Variants in CNKSR3 observed in about 807,000 individuals in gnomAD.
CNKSR3 encodes connector enhancer of kinase suppressor of ras 3.
A neutral mutation model predicts 67.7 loss-of-function variants in CNKSR3; 36 were observed. The ratio of observed to expected loss-of-function variants is 0.53; its 90% CI spans 0.41 to 0.70. The LOEUF is 0.70. Ranked by LOEUF, CNKSR3 falls within the 30% of genes least tolerant of loss-of-function variation. The probability of loss-of-function intolerance (pLI) is 0.00; values close to 1 mark genes in which losing one functional copy is unlikely to be tolerated. For synonymous variants in CNKSR3, 281 were observed against 271.4 expected, an observed-to-expected ratio of 1.04 and a Z score of -0.35; for missense variants, 630 against 695.2, an observed-to-expected ratio of 0.91 and a Z score of 1.05.
chr6:154,448,651 C>A (rs1017367979), intron 2 of CNKSR3, among the ~76,000 whole-genome samples: 1 of 152,112 alleles, frequency 6.6e-6, no homozygotes, highest in South Asian at 2.1e-4. Flanking sequence ...CAGACCCGTG[C>A]TCAGACTACT....
chr6:154,489,437 A>G (rs2114647345), intron 1 of CNKSR3, among the ~76,000 whole-genome samples: 1 of 152,286 alleles, frequency 6.6e-6, no homozygotes, highest in African/African-American at 2.4e-5. Context: ...AGGCTGAGGC[A>G]CAAGAATCGC....
rs192902695 is a variant in CNKSR3 at position 154,465,096 on chromosome 6, G to A, written c.53-14838C>T. 2.3e-3 allele frequency among the ~76,000 whole-genome samples: 333 copies of A among 144,394 alleles called. 1 individual carries two copies. The highest frequency in any genetic ancestry group is 6.4e-3 in the African/African-American group (246 of 38,354). The allele number at this position is 144,394 out of a possible 152,430, so 94.7% of individuals were successfully genotyped here. A position where few individuals can be genotyped will look rare whatever the true frequency, so the allele number is the denominator to read the frequency against. The stretch of plus-strand genomic sequence containing the variant: ...GCGGAGGTTGCAGTGAGCTGCGATC[G>A]TGCCATTGCACTCCAGCCTGGGCAA... On this transcript the variant is annotated intron_variant, in intron 1 of 12. Transcript: ENST00000607772.
chr6:154,441,756 C>A lies in CNKSR3; in HGVS notation c.419+332G>T, dbSNP rs918923377. Among the ~76,000 whole-genome samples, 248 of 139,984 alleles carry A rather than the reference C, an allele frequency of 1.8e-3. 2 individuals carry two copies. The highest frequency in any genetic ancestry group is 3.9e-3 in the East Asian group (17 of 4,308). 91.8% of individuals were successfully genotyped at this position (139,984 alleles called of 152,430 possible). A position where few individuals can be genotyped will look rare whatever the true frequency, so the allele number is the denominator to read the frequency against. ...GGAATAGATTAAAAACAAAACAAAA[C>A]AAAAATTGACAGTTAACATCCCTTC... is the stretch of plus-strand genomic sequence containing the variant. On this transcript the variant is annotated intron_variant, in intron 3 of 12. Transcript: ENST00000607772.
intron 1 of CNKSR3, among the ~76,000 whole-genome samples, chr6:154,454,104 C>CACACACACACACACACACACAGAGAGAG (rs1268729108): frequency 1.7e-5 from 2 of 116,290 alleles, no homozygotes; most frequent in Non-Finnish European, 3.6e-5. Flanking sequence ...CACACACACA[C>CACACACACACACACACACACAGAGAGAG]AGAGAGAGAG....
chr6:154,414,158 T>C (rs754307050), intron 10 of CNKSR3, 141 bp downstream of exon 10: 6 of 832,398 alleles, frequency 7.2e-6, no homozygotes, highest in Non-Finnish European at 1.1e-5. Context: ...AGGCTGATCA[T>C]ACTTTTAACG....
chr6:154,450,839 T>C (rs1785811441), intron 1 of CNKSR3, among the ~76,000 whole-genome samples: 1 of 152,192 alleles, frequency 6.6e-6, no homozygotes, highest in African/African-American at 2.4e-5. Context: ...AGATAAACCT[T>C]GGCAATGCTG....
In CNKSR3 at chr6:154,398,292, C is replaced by T. The variant is rs988132856; in HGVS notation, c.*8062G>A. ...CCAAGTGTCTGAGTGGTCTGGGTGT[C>T]ACATCTGTGTGTGTGCCCAAATGGA... On this transcript the variant is annotated 3_prime_UTR_variant, in exon 13 of 13. Coordinates refer to ENST00000607772, the MANE Select transcript of CNKSR3 (RefSeq NM_173515.4). The T allele has an allele frequency of 6.6e-6, 1 of 152,214 alleles. No individual in the cohort carries two copies. Among genetic ancestry groups the T allele is most frequent in the African/African-American group, 2.4e-5 (1 of 41,448 alleles). 9.4% of individuals were successfully genotyped at this position (152,214 alleles called of 1,614,324 possible).
chr6:154,500,728 G>C (rs1786979480), intron 1 of CNKSR3, among the ~76,000 whole-genome samples: 1 of 152,154 alleles, frequency 6.6e-6, no homozygotes, highest in African/African-American at 2.4e-5. Context: ...TTTTAAGTCA[G>C]ATACACCAGT....
At chr6:154,482,686 C>T (rs1786589226) in intron 1 of CNKSR3, among the ~76,000 whole-genome samples, 1 of 152,096 alleles carries the variant, frequency 6.6e-6, no homozygotes. Context: ...GGTGCTGACC[C>T]CCAACTCTGG....
rs1222130972 is a variant in CNKSR3, at chr6:154,510,427, T to A, written c.-313A>T. The A allele has an allele frequency of 4.7e-6, 2 of 429,798 alleles. No homozygotes were observed. The highest frequency in any genetic ancestry group is 1.0e-4 in the East Asian group (2 of 20,036). 26.6% of individuals were successfully genotyped at this position (429,798 alleles called of 1,614,324 possible). On this transcript the variant is annotated 5_prime_UTR_variant, in exon 1 of 13. Transcript: ENST00000607772. ...ACGCCGGGCTGCGACCCCAGACCCCTGGCCTCGGCTCGGCACGGGAGCCTC... is the reference window on the plus strand; with the variant it reads ...ACGCCGGGCTGCGACCCCAGACCCCAGGCCTCGGCTCGGCACGGGAGCCTC...
At chr6:154,468,708 C>T (rs569251980) in intron 1 of CNKSR3, among the ~76,000 whole-genome samples, 1 of 152,044 alleles carries the variant, frequency 6.6e-6, no homozygotes, top group Non-Finnish European at 1.5e-5. Flanking sequence ...CGAACGCCTC[C>T]CCACACACCA....
At chr6:154,496,583 T>A (rs1786883563) in intron 1 of CNKSR3, among the ~76,000 whole-genome samples, 1 of 152,218 alleles carries the variant, frequency 6.6e-6, no homozygotes, top group African/African-American at 2.4e-5. Context: ...CTTTTTTAAA[T>A]ATACAGTCAT....
chr6:154,409,968 G>A (rs929891955), intron 12 of CNKSR3, among the ~76,000 whole-genome samples: 1 of 151,984 alleles, frequency 6.6e-6, no homozygotes, highest in Non-Finnish European at 1.5e-5. Context: ...GATCACTTGA[G>A]TCCAGGAGCT....
chr6:154,505,106 G>T (rs1275397998), intron 1 of CNKSR3, among the ~76,000 whole-genome samples: 1 of 151,356 alleles, frequency 6.6e-6, no homozygotes, highest in Non-Finnish European at 1.5e-5. Flanking sequence ...AAAAGAGAAG[G>T]TATAACCTAA....
At chr6:154,413,573 A>G (rs1784952199) in intron 10 of CNKSR3, among the ~76,000 whole-genome samples, 1 of 151,962 alleles carries the variant, frequency 6.6e-6, no homozygotes, top group Non-Finnish European at 1.5e-5. Flanking sequence ...CATCTTTCTC[A>G]GCAAAATCAA....
At chr6:154,473,403 T>C (rs1786373284) in intron 1 of CNKSR3, among the ~76,000 whole-genome samples, 1 of 152,178 alleles carries the variant, frequency 6.6e-6, no homozygotes, top group Non-Finnish European at 1.5e-5. Flanking sequence ...ATTATCGCCA[T>C]TTTTTTAGGG....
At chr6:154,428,253 C>T in intron 6 of CNKSR3, 66 bp from the exon 7 acceptor site, 1 of 989,372 alleles carries the variant, frequency 1.0e-6, no homozygotes, top group East Asian at 2.4e-5. Context: ...CCGAGTGAGA[C>T]TTAAACTTAT....
rs559131334 is a variant in CNKSR3, at chr6:154,390,479, T to G, written c.*15875A>C. 6.6e-6 allele frequency: 1 copy of G among 152,302 alleles called. No homozygotes were observed. Among genetic ancestry groups the G allele is most frequent in the East Asian group, 1.9e-4 (1 of 5,182 alleles). 9.4% of individuals were successfully genotyped at this position (152,302 alleles called of 1,614,324 possible). A position where few individuals can be genotyped will look rare whatever the true frequency, so the allele number is the denominator to read the frequency against. ...TAACTTCTCATGGAAAAATTCTCACTATTAGGAGACAGGAAATGGGAGGCT... is the reference window on the plus strand; with the variant it reads ...TAACTTCTCATGGAAAAATTCTCACGATTAGGAGACAGGAAATGGGAGGCT... On this transcript the variant is annotated 3_prime_UTR_variant, in exon 13 of 13. Coordinates refer to ENST00000607772, the MANE Select transcript of CNKSR3 (RefSeq NM_173515.4).
intron 1 of CNKSR3, among the ~76,000 whole-genome samples, chr6:154,469,565 C>A (rs926866870): frequency 6.6e-6 from 1 of 152,158 alleles, no homozygotes; most frequent in African/African-American, 2.4e-5. Context: ...CCATTGGCAA[C>A]GCTAGACAAC....
Sources: gnomAD v4.1 joint callset for allele counts (sites outside exome capture counted in the v4.1 genomes callset) on GRCh38, gnomAD v4.1.1 for gene constraint, MANE v1.5 for transcripts, NCBI Gene and HGNC (gene_info 2026-07-23, HGNC 2026-07-21) for gene names.